The following PPARGC1A variants were observed in gnomAD, a reference collection of about 807,000 sequenced individuals.
PPARGC1A encodes the protein peroxisome proliferator-activated receptor gamma coactivator 1-alpha.
Under a neutral mutation model 88.7 loss-of-function variants are expected in PPARGC1A, and 25 were observed. That is an observed-to-expected ratio of 0.28 (90% CI 0.21 to 0.39). The LOEUF is 0.39. Among genes scored for constraint, PPARGC1A ranks in the 10% least tolerant of loss-of-function variants. The probability of loss-of-function intolerance (pLI) is 1.00; values close to 1 mark genes in which losing one functional copy is unlikely to be tolerated. For synonymous variants in PPARGC1A, 363 were observed against 355.6 expected (o/e 1.02, Z -0.24); for missense variants, 880 against 968.7 (o/e 0.91, Z 1.22).
Position 23,828,450 on chromosome 4 carries a change from C to G in PPARGC1A, c.707G>C (p.Cys236Ser), listed in dbSNP as rs1724387522. 6.2e-7 allele frequency: 1 copy of G among 1,613,870 alleles called. No homozygotes were observed. The highest frequency in any genetic ancestry group is 1.1e-5 in the South Asian group (1 of 91,026). Residue 236 changes from cysteine (C) to serine (S), a missense_variant, in exon 5 of 13, where the codon TGC becomes TCC. Coordinates refer to ENST00000264867, the MANE Select transcript of PPARGC1A (RefSeq NM_013261.5). ...TENRNSSRDK[C>S]TSKKKSHTQS... The stretch of plus-strand genomic sequence containing the variant: ...TGTGTGGGACTTCTTTTTGGAGGTG[C>G]ATTTGTCTCTGCTGCTGTTTCTGTT...
the PPARGC1A span, among the ~76,000 whole-genome samples, chr4:24,276,436 GAC>G: frequency 6.6e-6 from 1 of 152,186 alleles, no homozygotes; most frequent in South Asian, 2.1e-4. Context: ...CAAGGTCTCA[GAC>G]ATCGAGGTCC....
At chr4:24,160,627 TCA>T in the PPARGC1A span, among the ~76,000 whole-genome samples, 1 of 152,224 alleles carries the variant, frequency 6.6e-6, no homozygotes, top group African/African-American at 2.4e-5. Flanking sequence ...CTCAGCTGTT[TCA>T]CACACCTTAC....
intron 2 of PPARGC1A, among the ~76,000 whole-genome samples, chr4:23,856,329 A>T (rs1730183585): frequency 6.6e-6 from 1 of 152,188 alleles, no homozygotes; most frequent in South Asian, 2.1e-4. Context: ...TTTTCTTACC[A>T]GGGATTAGTC....
At chr4:24,249,523 C>T in the PPARGC1A span, among the ~76,000 whole-genome samples, 1 of 152,174 alleles carries the variant, frequency 6.6e-6, no homozygotes, top group Non-Finnish European at 1.5e-5. Flanking sequence ...TGATGACACT[C>T]AGGGTCTCGC....
chr4:24,387,949 AAAGAAAG>A, the PPARGC1A span, among the ~76,000 whole-genome samples: 17 of 138,854 alleles, frequency 1.2e-4, no homozygotes, highest in African/African-American at 4.9e-4. Flanking sequence ...AGAAAGAAAG[AAAGAAAG>A]AAAGGGAGAG....
chr4:24,406,354 C>T, the PPARGC1A span, among the ~76,000 whole-genome samples: 1 of 152,174 alleles, frequency 6.6e-6, no homozygotes, highest in Non-Finnish European at 1.5e-5. Context: ...TCCTGGGAAC[C>T]TGTGTCCCTG....
chr4:24,362,617 T>C, the PPARGC1A span, among the ~76,000 whole-genome samples: 1 of 152,126 alleles, frequency 6.6e-6, no homozygotes, highest in East Asian at 1.9e-4. Flanking sequence ...ATTGGCCTTC[T>C]CTCCCCGCTT....
the PPARGC1A span, among the ~76,000 whole-genome samples, chr4:24,174,848 C>G: frequency 6.6e-6 from 1 of 152,214 alleles, no homozygotes; most frequent in East Asian, 1.9e-4. Context: ...ATGTCTTTCA[C>G]AGCAACAAAG....
chr4:24,262,630 T>G, the PPARGC1A span, among the ~76,000 whole-genome samples: 1 of 152,186 alleles, frequency 6.6e-6, no homozygotes, highest in African/African-American at 2.4e-5. Flanking sequence ...TTTGGCTATC[T>G]GATGAAATCT....
chr4:24,172,117 AC>A, the PPARGC1A span, among the ~76,000 whole-genome samples: 2 of 152,202 alleles, frequency 1.3e-5, no homozygotes, highest in Non-Finnish European at 1.5e-5. Flanking sequence ...ATCTAGTATT[AC>A]CAAAGAGAAA....
chr4:24,049,286 ATG>A, the PPARGC1A span, among the ~76,000 whole-genome samples: 2 of 105,386 alleles, frequency 1.9e-5, no homozygotes, highest in East Asian at 2.6e-4. Flanking sequence ...ACACATATAT[ATG>A]TGTGTATATA....
the PPARGC1A span, among the ~76,000 whole-genome samples, chr4:24,186,423 G>A: frequency 1.3e-5 from 2 of 152,008 alleles, no homozygotes; most frequent in African/African-American, 4.8e-5. Flanking sequence ...CTTCTGGATC[G>A]GACCACCTGG....
chr4:24,361,692 T>C, the PPARGC1A span, among the ~76,000 whole-genome samples: 1 of 152,194 alleles, frequency 6.6e-6, no homozygotes, highest in East Asian at 1.9e-4. Context: ...AGGCAAGATA[T>C]CCAGGTGAAG....
the PPARGC1A span, among the ~76,000 whole-genome samples, chr4:24,345,147 G>A: frequency 5.3e-5 from 8 of 152,060 alleles, no homozygotes; most frequent in Admixed American, 1.3e-4. Context: ...ACACTGTTTC[G>A]GTGACTATAG....
chr4:23,870,265 T>C (rs1713009509), intron 2 of PPARGC1A, among the ~76,000 whole-genome samples: 1 of 152,240 alleles, frequency 6.6e-6, no homozygotes, highest in African/African-American at 2.4e-5. Flanking sequence ...AACTTTTTTA[T>C]GGAAAGATTT....
At chr4:23,931,538 G>A in the PPARGC1A span, among the ~76,000 whole-genome samples, 1 of 152,064 alleles carries the variant, frequency 6.6e-6, no homozygotes, top group Admixed American at 6.5e-5. Context: ...GAGGAAGAAA[G>A]GAAGGTGACC....
chr4:24,106,892 C>T, the PPARGC1A span, among the ~76,000 whole-genome samples: 2 of 152,164 alleles, frequency 1.3e-5, no homozygotes, highest in African/African-American at 4.8e-5. Flanking sequence ...CAGAACTGCA[C>T]AGAAAACCCT....
chr4:23,907,540 C>T (rs758865035), upstream of PPARGC1A, among the ~76,000 whole-genome samples: 23 of 152,038 alleles, frequency 1.5e-4, no homozygotes, highest in Non-Finnish European at 3.1e-4. Context: ...TTCAGTACAC[C>T]CTACCTCAAT....
At chr4:24,222,933 A>G in the PPARGC1A span, among the ~76,000 whole-genome samples, 1 of 152,204 alleles carries the variant, frequency 6.6e-6, no homozygotes, top group Non-Finnish European at 1.5e-5. Flanking sequence ...AACCATCTTC[A>G]TACATAAAAA....
Sources: gnomAD v4.1 joint callset for allele counts (sites outside exome capture counted in the v4.1 genomes callset) on GRCh38, gnomAD v4.1.1 for gene constraint, MANE v1.5 for transcripts, NCBI Gene and HGNC (gene_info 2026-07-23, HGNC 2026-07-21) for gene names.